Variants in EPHB1 observed in about 807,000 individuals in gnomAD.
The protein encoded by EPHB1 is ephrin type-B receptor 1.
A neutral mutation model predicts 94.4 loss-of-function variants in EPHB1; 30 were observed. The observed-to-expected ratio is 0.32, with a 90% CI of 0.24 to 0.43. EPHB1 has a LOEUF of 0.43. Ranked by LOEUF, EPHB1 falls within the 20% of genes least tolerant of loss-of-function variation. The pLI is 1.00. For synonymous variants in EPHB1, 522 were observed against 489.1 expected, an observed-to-expected ratio of 1.07 and a Z score of -0.89; for missense variants, 1,055 against 1,308.3, an observed-to-expected ratio of 0.81 and a Z score of 2.99.
chr3:135,135,613 G>C (rs978062746), intron 5 of EPHB1, among the ~76,000 whole-genome samples: 1 of 152,152 alleles, frequency 6.6e-6, no homozygotes, highest in Non-Finnish European at 1.5e-5. Flanking sequence ...CCCCTGAGCT[G>C]GTCCACTCTA....
chr3:135,113,629 G>A (rs1939556717), intron 4 of EPHB1, among the ~76,000 whole-genome samples: 1 of 152,150 alleles, frequency 6.6e-6, no homozygotes, highest in South Asian at 2.1e-4. Flanking sequence ...GTAACCCATC[G>A]CTGGGGGAGA....
At chr3:134,803,313 A>G (rs1335549833) in intron 1 of EPHB1, among the ~76,000 whole-genome samples, 2 of 152,196 alleles carry the variant, frequency 1.3e-5, no homozygotes, top group Non-Finnish European at 1.5e-5. Flanking sequence ...GTGATAATGA[A>G]CAGAGAAATG....
At chr3:135,154,767 TA>T (rs1422044407) in intron 6 of EPHB1, among the ~76,000 whole-genome samples, 1 of 152,148 alleles carries the variant, frequency 6.6e-6, no homozygotes, top group Non-Finnish European at 1.5e-5. Context: ...AAGGATGAGA[TA>T]AAAATTAACA....
chr3:135,248,306 G>T lies in EPHB1; in HGVS notation c.2497-10G>T, dbSNP rs750156435. 2.5e-5 allele frequency: 39 copies of T among 1,566,142 alleles called. No homozygotes were observed. Among genetic ancestry groups the T allele is most frequent in the Non-Finnish European group, 3.3e-5 (38 of 1,147,820 alleles). On this transcript the variant is annotated splice_polypyrimidine_tract_variant and intron_variant, in intron 13 of 15. Coordinates refer to ENST00000398015, the MANE Select transcript of EPHB1 (RefSeq NM_004441.5). Reference sequence around the variant, plus strand: ...ACTCAATCACACCTGTTCCCTGTATGTCACTGCAGGTCATCAATGCCATCG... The same window carrying T: ...ACTCAATCACACCTGTTCCCTGTATTTCACTGCAGGTCATCAATGCCATCG...
rs762511793 is a variant in EPHB1, at chr3:134,951,875, A to T, written c.628A>T (p.Met210Leu). ...VQNFAVFPET[M>L]TGAESTSLVI... ...AAATTTTGCAGTGTTTCCAGAGACTATGACAGGGGCAGAGAGCACATCTCT... is the reference window on the plus strand; with the variant it reads ...AAATTTTGCAGTGTTTCCAGAGACTTTGACAGGGGCAGAGAGCACATCTCT... The change falls in exon 3 of 16, where the codon ATG becomes TTG. Residue 210 changes from methionine to leucine, a missense_variant. Physicochemically the swap from Met to Leu is conservative, Grantham distance 15. Coordinates refer to ENST00000398015, the MANE Select transcript of EPHB1 (RefSeq NM_004441.5). This position sits in a 1 kb window ranked among gnomAD's most constrained non-coding sequence, Gnocchi z 4.5. 6.8e-6 allele frequency: 11 copies of T among 1,614,054 alleles called. No homozygotes were observed. Among genetic ancestry groups the T allele is most frequent in the Non-Finnish European group, 8.5e-6 (10 of 1,179,892 alleles).
intron 3 of EPHB1, among the ~76,000 whole-genome samples, chr3:135,016,793 A>G (rs997396889): frequency 1.3e-5 from 2 of 152,104 alleles, no homozygotes; most frequent in African/African-American, 4.8e-5. Context: ...TAAAAATTTC[A>G]CTGATTAGCA....
intron 1 of EPHB1, among the ~76,000 whole-genome samples, chr3:134,853,122 T>G (rs1308819509): frequency 6.6e-6 from 1 of 151,492 alleles, no homozygotes; most frequent in Admixed American, 6.6e-5. Context: ...AGAAGTAGAA[T>G]AGAAAATGAA....
intron 3 of EPHB1, among the ~76,000 whole-genome samples, chr3:135,043,198 T>G (rs1292052498): frequency 6.6e-6 from 1 of 152,042 alleles, no homozygotes; most frequent in Non-Finnish European, 1.5e-5. Context: ...GTATTGAATT[T>G]AAGGAAGTCC....
intron 3 of EPHB1, among the ~76,000 whole-genome samples, chr3:135,103,682 A>G (rs1939107529): frequency 6.6e-6 from 1 of 152,240 alleles, no homozygotes; most frequent in Non-Finnish European, 1.5e-5. Context: ...GAGCTGGCAG[A>G]GCCAAGAATT....
intron 12 of EPHB1, among the ~76,000 whole-genome samples, chr3:135,240,107 T>C (rs1414940457): frequency 1.3e-5 from 2 of 152,182 alleles, no homozygotes; most frequent in Non-Finnish European, 1.5e-5. Context: ...GGGAGTCTCC[T>C]CTGGTTTTCA....
chr3:135,005,340 G>A (rs1935358319), intron 3 of EPHB1, among the ~76,000 whole-genome samples: 1 of 152,220 alleles, frequency 6.6e-6, no homozygotes, highest in South Asian at 2.1e-4. Context: ...TGCGTGCTGG[G>A]AGAACCACTG....
At chr3:135,174,919 A>G (rs1452039554) in intron 9 of EPHB1, among the ~76,000 whole-genome samples, 2 of 152,184 alleles carry the variant, frequency 1.3e-5, no homozygotes, top group Non-Finnish European at 2.9e-5. Context: ...CTCTGAAACC[A>G]TACTGTGGAA....
Position 135,030,905 on chromosome 3 carries a change from G to A in EPHB1, c.806-75543G>A, listed in dbSNP as rs960620131. The stretch of plus-strand genomic sequence containing the variant: ...CTTGGAGTAGGACCCTCGGAGCCAG[G>A]TGCGGCATGTAATCTCGTGGTGCGC... On this transcript the variant is annotated intron_variant, in intron 3 of 15. Coordinates refer to ENST00000398015, the MANE Select transcript of EPHB1 (RefSeq NM_004441.5). Among the ~76,000 whole-genome samples the A allele has an allele frequency of 5.3e-5, 8 of 152,334 alleles. No individual in the cohort carries two copies. In the South Asian group the frequency reaches 1.7e-3, roughly 32 times the overall value.
chr3:135,159,943 A>C (rs909394113), intron 6 of EPHB1, among the ~76,000 whole-genome samples: 2 of 152,126 alleles, frequency 1.3e-5, no homozygotes, highest in Non-Finnish European at 2.9e-5. Context: ...ACATTCATCC[A>C]TGTGGCTAAT....
chr3:134,961,420 A>G (rs536531718), intron 3 of EPHB1, among the ~76,000 whole-genome samples: 121 of 152,350 alleles, frequency 7.9e-4, no homozygotes, highest in African/African-American at 2.8e-3. Context: ...AGCCTGGTTA[A>G]TTTCTGAACC....
chr3:135,182,417 C>G (rs1942180099), intron 10 of EPHB1, among the ~76,000 whole-genome samples: 1 of 152,264 alleles, frequency 6.6e-6, no homozygotes, highest in South Asian at 2.1e-4. Flanking sequence ...TCTCTCCCTC[C>G]TCTTCTTCCC....
intron 2 of EPHB1, among the ~76,000 whole-genome samples, chr3:134,931,771 G>A (rs1296484214): frequency 6.6e-6 from 1 of 152,052 alleles, no homozygotes; most frequent in Admixed American, 6.5e-5. Flanking sequence ...ATATATGAGT[G>A]TATGTATATT....
At chr3:134,806,054 A>G (rs968169484) in intron 1 of EPHB1, among the ~76,000 whole-genome samples, 2 of 152,232 alleles carry the variant, frequency 1.3e-5, no homozygotes, top group Non-Finnish European at 2.9e-5. Context: ...TAATGAATAA[A>G]TAACAAGAAG....
intron 1 of EPHB1, among the ~76,000 whole-genome samples, chr3:134,867,229 G>C (rs2037398994): frequency 6.6e-6 from 1 of 152,176 alleles, no homozygotes; most frequent in Admixed American, 6.5e-5. Flanking sequence ...AGTGGACAGA[G>C]ATCTTTAGTT....
Sources: allele counts gnomAD v4.1 joint callset (sites outside exome capture counted in the v4.1 genomes callset), GRCh38; gene constraint gnomAD v4.1.1; non-coding constraint Gnocchi (gnomAD v3.1); transcripts MANE v1.5; gene names NCBI Gene and HGNC (gene_info 2026-07-23, HGNC 2026-07-21).